Variants in HPSE2 observed in about 807,000 individuals in gnomAD.
HPSE2 encodes the protein inactive heparanase-2.
HPSE2 carries 38 observed loss-of-function variants against 60.5 expected under a neutral mutation model. The ratio of observed to expected loss-of-function variants is 0.63; its 90% CI spans 0.48 to 0.82. The LOEUF (loss-of-function observed/expected upper bound fraction) is 0.82, where lower values mean the gene tolerates loss of function less well. HPSE2 is among the 40% of genes least tolerant of loss of function. The pLI, the probability that HPSE2 is intolerant of heterozygous loss-of-function variation, is 0.00. For missense variants in HPSE2, 713 were observed against 740.4 expected (o/e 0.96, Z 0.43); for synonymous variants, 295 against 293.2 (o/e 1.01, Z -0.06).
chr10:98,488,267 C>G (rs534528618), intron 10 of HPSE2, among the ~76,000 whole-genome samples: 2 of 152,310 alleles, frequency 1.3e-5, no homozygotes, highest in African/African-American at 4.8e-5. Flanking sequence ...TTCCTTCTGG[C>G]TGATGTCGTA....
intron 3 of HPSE2, among the ~76,000 whole-genome samples, chr10:99,077,075 G>A (rs1312936012): frequency 6.6e-6 from 1 of 152,106 alleles, no homozygotes; most frequent in Non-Finnish European, 1.5e-5. Context: ...GAAATACACT[G>A]TAGTCTTATG....
At position 98,859,638 on chromosome 10, in the gene HPSE2, C is replaced by T. The variant is rs1952406419; in HGVS notation, c.611-115582G>A. ...AGGACTTAGACCAACCCTCTTCTCCCTTTCCAGGTTCTCAGGCCTTCAGCA... is the reference window on the plus strand; with the variant it reads ...AGGACTTAGACCAACCCTCTTCTCCTTTTCCAGGTTCTCAGGCCTTCAGCA... On this transcript the variant is annotated intron_variant, in intron 3 of 11. Coordinates refer to ENST00000370552, the MANE Select transcript of HPSE2 (RefSeq NM_021828.5). 2.0e-5 allele frequency among the ~76,000 whole-genome samples: 3 copies of T among 152,172 alleles called. 1 individual carries two copies. The South Asian group carries it at 6.2e-4, about 31-fold the overall frequency.
chr10:98,580,824 T>TATATATATATATATA, intron 9 of HPSE2, among the ~76,000 whole-genome samples: 1 of 128,576 alleles, frequency 7.8e-6, no homozygotes. Flanking sequence ...GTGCTTGGTT[T>TATATATATATATATA]TATATATATA....
At chr10:98,485,401 A>G (rs1941403093) in intron 10 of HPSE2, among the ~76,000 whole-genome samples, 1 of 149,390 alleles carries the variant, frequency 6.7e-6, no homozygotes, top group Non-Finnish European at 1.5e-5. Flanking sequence ...GGATGCCTGC[A>G]TTTGTGTTCT....
chr10:98,621,768 T>G (rs1243931011), intron 7 of HPSE2, among the ~76,000 whole-genome samples: 2 of 152,176 alleles, frequency 1.3e-5, no homozygotes, highest in Non-Finnish European at 1.5e-5. Flanking sequence ...CAGGCCTGAG[T>G]GCTGAGCAGA....
intron 9 of HPSE2, among the ~76,000 whole-genome samples, chr10:98,496,072 T>C (rs1398492878): frequency 6.6e-6 from 1 of 152,022 alleles, no homozygotes; most frequent in Non-Finnish European, 1.5e-5. Flanking sequence ...TGTGTAAGTG[T>C]GGGTGAGTAT....
chr10:99,068,098 C>T (rs1842671619), intron 3 of HPSE2, among the ~76,000 whole-genome samples: 1 of 152,126 alleles, frequency 6.6e-6, no homozygotes, highest in Non-Finnish European at 1.5e-5. Flanking sequence ...CAGCCTGAAC[C>T]TTCTTGCCCA....
intron 9 of HPSE2, among the ~76,000 whole-genome samples, chr10:98,520,952 A>G (rs2133772685): frequency 6.6e-6 from 1 of 152,334 alleles, no homozygotes; most frequent in Non-Finnish European, 1.5e-5. Context: ...GAAAGCTGAA[A>G]CTGAATCCCT....
intron 3 of HPSE2, among the ~76,000 whole-genome samples, chr10:98,774,764 T>C (rs1232501845): frequency 6.6e-6 from 1 of 152,214 alleles, no homozygotes; most frequent in Non-Finnish European, 1.5e-5. Flanking sequence ...TCTTCCCCAC[T>C]GGGCTCAGTG....
At chr10:99,307,542 C>T in the HPSE2 span, among the ~76,000 whole-genome samples, 1 of 152,124 alleles carries the variant, frequency 6.6e-6, no homozygotes, top group African/African-American at 2.4e-5. Flanking sequence ...TCAACAACAC[C>T]CTATGCCTTA....
Position 99,119,250 on chromosome 10 carries a change from C to G in HPSE2, c.610+24988G>C, listed in dbSNP as rs191326559. On this transcript the variant is annotated intron_variant, in intron 3 of 11. Coordinates refer to ENST00000370552, the MANE Select transcript of HPSE2 (RefSeq NM_021828.5). ...AACTGATAAATAACTTCAGCAAAGT[C>G]TCAAGATAAAAAATCAATGTACAAA... 3.4e-3 allele frequency among the ~76,000 whole-genome samples: 518 copies of G among 152,186 alleles called. 3 individuals carry two copies. The highest frequency in any genetic ancestry group is 0.012 in the African/African-American group (496 of 41,540).
At chr10:98,552,918 C>G (rs767949260) in intron 9 of HPSE2, among the ~76,000 whole-genome samples, 26 of 152,218 alleles carry the variant, frequency 1.7e-4, no homozygotes, top group Non-Finnish European at 2.8e-4. Context: ...GCAAGAACCC[C>G]AAGGGTCAAG....
intron 4 of HPSE2, among the ~76,000 whole-genome samples, chr10:98,724,400 T>C (rs4526714): frequency 0.69 from 105,342 of 151,994 alleles, 37,611 homozygotes; most frequent in Non-Finnish European, 0.8. Flanking sequence ...TGGTCAATTT[T>C]GGAATAGGTG....
chr10:99,014,487 G>A (rs984831909), intron 3 of HPSE2, among the ~76,000 whole-genome samples: 7 of 152,108 alleles, frequency 4.6e-5, no homozygotes, highest in Admixed American at 3.3e-4. Flanking sequence ...GGGATTGCTG[G>A]GTTGAAAGGT....
rs187868529 is a variant in HPSE2 at position 99,017,675 on chromosome 10, G to A, written c.610+126563C>T. Among the ~76,000 whole-genome samples the A allele has an allele frequency of 3.9e-5, 6 of 152,158 alleles. No individual in the cohort carries two copies. In the East Asian group the frequency reaches 1.2e-3, roughly 29 times the overall value. ...ACTCCTGAGCTTTTTTTGGTTGATA[G>A]CCTATTTATTACTACCTCAATTTCA... On this transcript the variant is annotated intron_variant, in intron 3 of 11. Transcript: ENST00000370552.
At chr10:98,768,820 G>A in intron 3 of HPSE2, among the ~76,000 whole-genome samples, 1 of 152,236 alleles carries the variant, frequency 6.6e-6, no homozygotes, top group Middle Eastern at 3.4e-3. Context: ...GGGATGTTGA[G>A]GCAGGTGGAT....
intron 6 of HPSE2, among the ~76,000 whole-genome samples, chr10:98,653,474 A>C (rs1323808109): frequency 6.7e-6 from 1 of 149,512 alleles, no homozygotes; most frequent in Non-Finnish European, 1.5e-5. Flanking sequence ...ATTTTATATA[A>C]TTACATTTTA....
chr10:99,232,895 G>A (rs1849708880), intron 1 of HPSE2, among the ~76,000 whole-genome samples: 1 of 152,282 alleles, frequency 6.6e-6, no homozygotes, highest in Non-Finnish European at 1.5e-5. Context: ...TCCGGGCGGA[G>A]ACGCGCTAGG....
chr10:99,103,902 C>A (rs1353728261), intron 3 of HPSE2, among the ~76,000 whole-genome samples: 40 of 152,076 alleles, frequency 2.6e-4, no homozygotes, highest in African/African-American at 9.7e-4. Flanking sequence ...CCTATTTAAT[C>A]AATGGTGCTA....
Sources: allele counts gnomAD v4.1 joint callset (sites outside exome capture counted in the v4.1 genomes callset), GRCh38; gene constraint gnomAD v4.1.1; transcripts MANE v1.5; gene names NCBI Gene and HGNC (gene_info 2026-07-23, HGNC 2026-07-21).